Variants in TANC2 observed in about 807,000 individuals in gnomAD.
The protein encoded by TANC2 is tetratricopeptide repeat, ankyrin repeat and coiled-coil containing 2.
TANC2 carries 26 observed loss-of-function variants against 210.5 expected under a neutral mutation model. The ratio of observed to expected loss-of-function variants is 0.12; its 90% CI spans 0.09 to 0.17. TANC2 has a LOEUF of 0.17. TANC2 is among the 10% of genes least tolerant of loss of function. The pLI is 1.00. For missense variants in TANC2, 2,129 were observed against 2,608.9 expected (o/e 0.82, Z 4.01); for synonymous variants, 931 against 967.1 (o/e 0.96, Z 0.69).
intron 7 of TANC2, among the ~76,000 whole-genome samples, chr17:63,201,376 A>T (rs2041528651): frequency 6.6e-6 from 1 of 152,182 alleles, no homozygotes; most frequent in Admixed American, 6.5e-5. Flanking sequence ...TATTTGTGCA[A>T]ACCATATATT....
intron 21 of TANC2, among the ~76,000 whole-genome samples, chr17:63,407,790 T>A (rs7217831): frequency 1.1e-4 from 16 of 152,092 alleles, no homozygotes; most frequent in African/African-American, 3.9e-4. Context: ...GTCCGTTGAG[T>A]TAGACTAGGA....
At chr17:63,222,385 A>T (rs569811946) in intron 7 of TANC2, among the ~76,000 whole-genome samples, 19 of 152,352 alleles carry the variant, frequency 1.2e-4, no homozygotes, top group African/African-American at 3.8e-4. Flanking sequence ...ATCAATTTTT[A>T]AAAAATGGAA....
chr17:63,244,301 G>C (rs888679243), intron 8 of TANC2, among the ~76,000 whole-genome samples: 1 of 152,106 alleles, frequency 6.6e-6, no homozygotes, highest in African/African-American at 2.4e-5. Context: ...CCACCTCTTG[G>C]TAGCCCTTGC....
chr17:63,167,327 G>GA (rs1258428357), intron 5 of TANC2, among the ~76,000 whole-genome samples: 1 of 151,978 alleles, frequency 6.6e-6, no homozygotes, highest in Admixed American at 6.6e-5. Flanking sequence ...ATAATATAAT[G>GA]AAAAAATATA....
At chr17:63,198,678 A>G (rs1003453892) in intron 6 of TANC2, among the ~76,000 whole-genome samples, 9 of 152,206 alleles carry the variant, frequency 5.9e-5, no homozygotes, top group Middle Eastern at 3.4e-3. Context: ...GTATCTGTCA[A>G]TTTTGTAAGA....
At chr17:63,237,706 TTTGAA>T in intron 7 of TANC2, 103 bp from the exon 8 acceptor site, 1 of 1,183,060 alleles carries the variant, frequency 8.5e-7, no homozygotes, top group Non-Finnish European at 1.2e-6. Context: ...AGCACCATTT[TTTGAA>T]AATGGTGTCC....
At chr17:63,061,878 A>C (rs528030703) in intron 2 of TANC2, among the ~76,000 whole-genome samples, 1 of 151,798 alleles carries the variant, frequency 6.6e-6, no homozygotes, top group African/African-American at 2.4e-5. Flanking sequence ...TGTTTATTTG[A>C]TCTTGCGTTT....
At chr17:63,389,814 G>T (rs2047906086) in intron 17 of TANC2, 4 of 436,840 alleles carry the variant, frequency 9.2e-6, no homozygotes, top group East Asian at 9.4e-5. Flanking sequence ...ACCCAGAAAT[G>T]ATCTATTGAG....
At chr17:63,226,367 TA>T (rs2042328971) in intron 7 of TANC2, among the ~76,000 whole-genome samples, 1 of 152,180 alleles carries the variant, frequency 6.6e-6, no homozygotes, top group Non-Finnish European at 1.5e-5. Flanking sequence ...GGATAAAATC[TA>T]ATCCCTTTAA....
chr17:63,106,484 G>A (rs1224988169), intron 4 of TANC2, among the ~76,000 whole-genome samples: 1 of 151,610 alleles, frequency 6.6e-6, no homozygotes. Flanking sequence ...ACAGTGCCTT[G>A]CTGAAGGCAA....
At chr17:63,313,547 G>A (rs148709251) in intron 9 of TANC2, 2 of 152,246 alleles carry the variant, frequency 1.3e-5, no homozygotes, top group African/African-American at 4.8e-5. Context: ...AAAAAATCTT[G>A]AGAAAAACTG....
intron 2 of TANC2, among the ~76,000 whole-genome samples, chr17:63,070,245 G>A (rs239363): frequency 0.6 from 90,866 of 152,062 alleles, 29,732 homozygotes; most frequent in African/African-American, 0.87. Flanking sequence ...CTCTTTCACA[G>A]TGCATTGTGC....
chr17:63,120,707 G>A (rs1445801431), intron 4 of TANC2: 1 of 149,212 alleles, frequency 6.7e-6, no homozygotes, highest in Admixed American at 6.8e-5. Flanking sequence ...CCAGCTGCTT[G>A]GGAGGTTTAG....
At chr17:63,388,403 G>A (rs558479169) in intron 15 of TANC2, among the ~76,000 whole-genome samples, 1 of 152,168 alleles carries the variant, frequency 6.6e-6, no homozygotes, top group African/African-American at 2.4e-5. Flanking sequence ...GAAAAGAGAG[G>A]TGTTGAGTAG....
At position 63,389,537 on chromosome 17, in the gene TANC2, G is replaced by A. The variant is rs371161191; in HGVS notation, c.3044G>A (p.Arg1015Gln). The change falls in exon 17 of 28, where the codon CGG (arginine) becomes CAG (glutamine). Residue 1015 changes from arginine (R) to glutamine (Q), a missense_variant. Around this residue, in one of 5 missense-constraint regions of TANC2, gnomAD observed 644 missense variants for 937.5 expected, o/e 0.69. Coordinates refer to ENST00000689528, the Ensembl canonical transcript of TANC2. ...ATTGTGGTGCTGCTGTGCAAGAAAC[G>A]GGCCAAGGTACTGGCTGCCCAGCTC... 87 of 1,605,598 alleles carry A rather than the reference G, an allele frequency of 5.4e-5. No homozygotes were observed. Among genetic ancestry groups the A allele is most frequent in the African/African-American group, 8.0e-5 (6 of 74,830 alleles).
chr17:63,238,201 T>A, intron 8 of TANC2, 124 bp downstream of exon 8: 1 of 1,233,936 alleles, frequency 8.1e-7, no homozygotes, highest in Non-Finnish European at 1.1e-6. Context: ...CTTTTCTGAC[T>A]AAGCTGTTCT....
At chr17:63,107,237 A>C (rs926993265) in intron 4 of TANC2, among the ~76,000 whole-genome samples, 3 of 151,716 alleles carry the variant, frequency 2.0e-5, no homozygotes, top group African/African-American at 4.9e-5. Flanking sequence ...CAGAATGTAT[A>C]AAAAGCATTT....
chr17:63,404,946 T>A (rs909774904), intron 19 of TANC2, among the ~76,000 whole-genome samples, 176 bp from the exon 20 acceptor site: 2 of 152,272 alleles, frequency 1.3e-5, no homozygotes, highest in African/African-American at 4.8e-5. Flanking sequence ...TTTAAATGTG[T>A]CTTTATTCAT....
intron 12 of TANC2, among the ~76,000 whole-genome samples, chr17:63,347,053 A>C (rs977450064): frequency 6.6e-6 from 1 of 151,942 alleles, no homozygotes; most frequent in Non-Finnish European, 1.5e-5. Context: ...TGACCAAGCA[A>C]CTCTATTGCT....
Sources: gnomAD v4.1 joint callset for allele counts (sites outside exome capture counted in the v4.1 genomes callset) on GRCh38, gnomAD v4.1.1 for gene constraint, gnomAD v4.1.1 regional missense constraint, MANE v1.5 for transcripts, NCBI Gene and HGNC (gene_info 2026-07-23, HGNC 2026-07-21) for gene names.